MCHR2: variants seen among roughly 807,000 people sequenced by gnomAD.
The protein encoded by MCHR2 is melanin concentrating hormone receptor 2, also known as melanin-concentrating hormone receptor 2.
Under a neutral mutation model 24.8 loss-of-function variants are expected in MCHR2, and 15 were observed. That is an observed-to-expected ratio of 0.60 (90% CI 0.40 to 0.93). The LOEUF (loss-of-function observed/expected upper bound fraction) is 0.93, where lower values mean the gene tolerates loss of function less well. Among genes scored for constraint, MCHR2 ranks in the 40% least tolerant of loss-of-function variants. The probability of loss-of-function intolerance (pLI) is 0.00; values close to 1 mark genes in which losing one functional copy is unlikely to be tolerated. For missense variants in MCHR2, 386 were observed against 408.7 expected, an observed-to-expected ratio of 0.94 and a Z score of 0.48; for synonymous variants, 151 against 147.6, an observed-to-expected ratio of 1.02 and a Z score of -0.17.
chr6:99,976,752 A>G (rs1044389937), intron 1 of MCHR2, among the ~76,000 whole-genome samples: 4 of 152,168 alleles, frequency 2.6e-5, no homozygotes, highest in Non-Finnish European at 4.4e-5. Flanking sequence ...CTTTTGCACC[A>G]TCCCCATCCA....
intron 1 of MCHR2, among the ~76,000 whole-genome samples, chr6:99,980,566 C>T (rs78663079): frequency 2.1e-4 from 26 of 126,574 alleles, no homozygotes; most frequent in Middle Eastern, 4.1e-3. Flanking sequence ...TGTGTGTGTG[C>T]GCTCACGCAC....
intron 1 of MCHR2, among the ~76,000 whole-genome samples, chr6:99,969,330 C>T (rs1045552706): frequency 4.6e-5 from 7 of 151,718 alleles, no homozygotes; most frequent in East Asian, 1.9e-4. Context: ...AAAAATTAGT[C>T]GGACATGGTG....
intron 1 of MCHR2, among the ~76,000 whole-genome samples, chr6:99,987,050 G>A (rs1446939551): frequency 6.6e-6 from 1 of 151,674 alleles, no homozygotes; most frequent in Non-Finnish European, 1.5e-5. Flanking sequence ...ACATTTTAAT[G>A]TTCTTATACT....
In MCHR2 at chr6:99,947,761, C is replaced by T; in HGVS notation, c.392+1G>A. 2 of 1,612,784 alleles carry T rather than the reference C, an allele frequency of 1.2e-6. No individual in the cohort carries two copies. Among genetic ancestry groups the T allele is most frequent in the South Asian group, 2.2e-5 (2 of 90,786 alleles). Reference sequence around the variant, plus strand: ...AAGATATTTCAAAGTCTTTCACTTACCTGTCCACACTCATTACAGTCATGA... The same window carrying T: ...AAGATATTTCAAAGTCTTTCACTTATCTGTCCACACTCATTACAGTCATGA... On this transcript the variant is annotated splice_donor_variant, in intron 3 of 5. Coordinates refer to ENST00000281806, the MANE Select transcript of MCHR2 (RefSeq NM_001040179.2). LOFTEE classifies it high-confidence loss of function.
chr6:99,972,961 TGA>T (rs1385746705), intron 1 of MCHR2, among the ~76,000 whole-genome samples: 1 of 152,202 alleles, frequency 6.6e-6, no homozygotes, highest in Non-Finnish European at 1.5e-5. Flanking sequence ...TTACATTTGC[TGA>T]GGAGAGCTTT....
At chr6:99,975,961 G>A (rs192678936) in intron 1 of MCHR2, among the ~76,000 whole-genome samples, 5 of 152,298 alleles carry the variant, frequency 3.3e-5, no homozygotes, top group Middle Eastern at 3.4e-3. Flanking sequence ...AATGATGCAG[G>A]AATTGAATCT....
chr6:99,986,261 G>A (rs747238282), intron 1 of MCHR2, among the ~76,000 whole-genome samples: 16 of 152,068 alleles, frequency 1.1e-4, no homozygotes, highest in East Asian at 1.9e-4. Flanking sequence ...AAAACAGTAC[G>A]AAGATTTCTC....
intron 1 of MCHR2, among the ~76,000 whole-genome samples, chr6:99,984,304 C>A (rs940407826): frequency 1.3e-5 from 2 of 150,648 alleles, no homozygotes; most frequent in Admixed American, 6.6e-5. Flanking sequence ...TACATGTGCA[C>A]AATGTGCAGG....
chr6:99,971,848 T>C (rs543262502), intron 1 of MCHR2, among the ~76,000 whole-genome samples: 1 of 152,350 alleles, frequency 6.6e-6, no homozygotes, highest in East Asian at 1.9e-4. Context: ...GTTCTGTTTA[T>C]ATGCTGGATT....
intron 1 of MCHR2, among the ~76,000 whole-genome samples, chr6:99,976,109 C>T (rs1314740828): frequency 6.6e-6 from 1 of 152,124 alleles, no homozygotes; most frequent in African/African-American, 2.4e-5. Flanking sequence ...AAAGATATGA[C>T]AGCACATTAC....
intron 1 of MCHR2, among the ~76,000 whole-genome samples, chr6:99,984,638 T>TA (rs901909860): frequency 7.9e-5 from 12 of 151,998 alleles, no homozygotes; most frequent in African/African-American, 1.4e-4. Context: ...CCCTTCATGA[T>TA]AAAAAACCTC....
intron 1 of MCHR2, among the ~76,000 whole-genome samples, chr6:99,968,556 A>G (rs886372802): frequency 2.0e-5 from 3 of 152,180 alleles, no homozygotes; most frequent in Non-Finnish European, 4.4e-5. Context: ...AATGAGGAAT[A>G]CACCATGAGT....
Position 99,943,831 on chromosome 6 carries a change from C to T in MCHR2, c.393-688G>A, listed in dbSNP as rs187742988. ...TTTACAAAGGGGCTTTTCCTATAAACGAAACTCTGGAAAACTTTGTCTCTG... is the reference window on the plus strand; with the variant it reads ...TTTACAAAGGGGCTTTTCCTATAAATGAAACTCTGGAAAACTTTGTCTCTG... On this transcript the variant is annotated intron_variant, in intron 3 of 5. Transcript: ENST00000281806. Among the ~76,000 whole-genome samples, 9 of 152,200 alleles carry T rather than the reference C, an allele frequency of 5.9e-5. No homozygotes were observed. In the East Asian group the frequency reaches 1.4e-3, roughly 23 times the overall value.
chr6:99,939,872 G>GT (rs34233035), intron 4 of MCHR2, among the ~76,000 whole-genome samples: 11 of 108,190 alleles, frequency 1.0e-4, no homozygotes, highest in African/African-American at 3.4e-4. Flanking sequence ...GATGGCAGGT[G>GT]TTTTTTTTTT....
chr6:99,920,694 A>G lies in MCHR2; in HGVS notation c.*246T>C. The G allele has an allele frequency of 2.1e-6, 1 of 466,294 alleles. No homozygotes were observed. Among genetic ancestry groups the G allele is most frequent in the Non-Finnish European group, 3.9e-6 (1 of 257,150 alleles). 28.9% of individuals were successfully genotyped at this position (466,294 alleles called of 1,614,324 possible). Reference sequence around the variant, plus strand: ...ATAATATGCTGAAATAATATACACCATCATGAAGCCTGGGTATCTCAGACT... The same window carrying G: ...ATAATATGCTGAAATAATATACACCGTCATGAAGCCTGGGTATCTCAGACT... On this transcript the variant is annotated 3_prime_UTR_variant, in exon 6 of 6. Transcript: ENST00000281806.
intron 3 of MCHR2, among the ~76,000 whole-genome samples, chr6:99,946,913 C>T (rs569758824): frequency 3.9e-5 from 6 of 152,154 alleles, no homozygotes; most frequent in South Asian, 4.2e-4. Flanking sequence ...CTGGTGTGGA[C>T]GTTCTGGCAT....
chr6:99,977,225 G>T (rs761458070), intron 1 of MCHR2, among the ~76,000 whole-genome samples: 8 of 152,124 alleles, frequency 5.3e-5, no homozygotes, highest in Non-Finnish European at 1.2e-4. Context: ...AATCTCCTTT[G>T]ATCTTGAACT....
At position 99,921,149 on chromosome 6, in the gene MCHR2, G is replaced by C. The variant is rs1774219497; in HGVS notation, c.814C>G (p.Leu272Val). 1 of 1,614,154 alleles carries C rather than the reference G, an allele frequency of 6.2e-7. No homozygotes were observed. Among genetic ancestry groups the C allele is most frequent in the South Asian group, 1.1e-5 (1 of 91,080 alleles). The change falls in exon 6 of 6, where the codon CTG becomes GTG. Residue 272 changes from leucine (L) to valine (V), a missense_variant. Coordinates refer to ENST00000281806, the MANE Select transcript of MCHR2 (RefSeq NM_001040179.2). ...GGCTGTTCCATCTGTAAGTTCACCA[G>C]TTGTATCACATGATAAGGGGCAGCA... Reference protein sequence around the residue: ...LSAAPYHVIQLVNLQMEQPTL... With the variant: ...LSAAPYHVIQVVNLQMEQPTL...
chr6:99,987,043 T>C (rs1462381557), intron 1 of MCHR2, among the ~76,000 whole-genome samples: 2 of 152,102 alleles, frequency 1.3e-5, no homozygotes, highest in African/African-American at 4.8e-5. Context: ...GCTTTGTACA[T>C]TTTAATGTTC....
Sources: gnomAD v4.1 joint callset for allele counts (sites outside exome capture counted in the v4.1 genomes callset) on GRCh38, gnomAD v4.1.1 for gene constraint, MANE v1.5 for transcripts, NCBI Gene and HGNC (gene_info 2026-07-23, HGNC 2026-07-21) for gene names.